The following CNTNAP2 variants were observed in gnomAD, a reference collection of about 807,000 sequenced individuals.
The protein encoded by CNTNAP2 is contactin associated protein 2.
CNTNAP2 carries 98 observed loss-of-function variants against 155.2 expected under a neutral mutation model. The observed-to-expected ratio is 0.63, with a 90% confidence interval of 0.54 to 0.75. The LOEUF is 0.75. Ranked by LOEUF, CNTNAP2 falls within the 30% of genes least tolerant of loss-of-function variation. The pLI, the probability that CNTNAP2 is intolerant of heterozygous loss-of-function variation, is 0.00. For synonymous variants in CNTNAP2, 651 were observed against 631.2 expected (o/e 1.03, Z -0.47); for missense variants, 1,727 against 1,688.1 (o/e 1.02, Z -0.40).
chr7:147,117,559 C>G (rs1195830356), intron 5 of CNTNAP2, among the ~76,000 whole-genome samples: 2 of 152,158 alleles, frequency 1.3e-5, no homozygotes, highest in Non-Finnish European at 2.9e-5. Flanking sequence ...TCTCCTTGAG[C>G]ACTGCAGACT....
At chr7:147,783,798 A>G (rs754115991) in intron 13 of CNTNAP2, among the ~76,000 whole-genome samples, 1 of 152,206 alleles carries the variant, frequency 6.6e-6, no homozygotes, top group Non-Finnish European at 1.5e-5. Flanking sequence ...AGACACAGCA[A>G]GAAGGCTGCT....
intron 10 of CNTNAP2, among the ~76,000 whole-genome samples, chr7:147,468,833 T>A (rs1468872972): frequency 3.5e-5 from 2 of 56,876 alleles, no homozygotes; most frequent in Non-Finnish European, 6.4e-5. Context: ...TTTCTTCTTC[T>A]TCTTCTTCTT....
At chr7:147,215,609 C>T (rs2116581232) in intron 8 of CNTNAP2, among the ~76,000 whole-genome samples, 1 of 152,240 alleles carries the variant, frequency 6.6e-6, no homozygotes, top group Middle Eastern at 3.4e-3. Flanking sequence ...ATCTTCATTG[C>T]TTCCAAGTTT....
intron 9 of CNTNAP2, among the ~76,000 whole-genome samples, chr7:147,325,997 A>G (rs969243222): frequency 2.0e-5 from 3 of 152,046 alleles, no homozygotes; most frequent in African/African-American, 7.2e-5. Flanking sequence ...ATCTCGGCTC[A>G]CTGCAAGCTC....
chr7:147,625,957 CA>C (rs989609740), intron 12 of CNTNAP2, among the ~76,000 whole-genome samples: 2 of 152,136 alleles, frequency 1.3e-5, no homozygotes, highest in African/African-American at 4.8e-5. Flanking sequence ...TAGGGAGTCA[CA>C]TGAAATATAA....
At chr7:146,715,304 C>G (rs1801167717) in intron 1 of CNTNAP2, among the ~76,000 whole-genome samples, 1 of 152,080 alleles carries the variant, frequency 6.6e-6, no homozygotes, top group Admixed American at 6.6e-5. Flanking sequence ...TGCGCTCTAG[C>G]CTGAGCAACA....
At chr7:146,198,725 G>T (rs1351992167) in intron 1 of CNTNAP2, among the ~76,000 whole-genome samples, 2 of 151,446 alleles carry the variant, frequency 1.3e-5, no homozygotes, top group Non-Finnish European at 2.9e-5. Context: ...TATATTCTAG[G>T]TTTCAGTTTT....
chr7:147,647,620 C>T (rs769795089), intron 13 of CNTNAP2, among the ~76,000 whole-genome samples: 5 of 151,996 alleles, frequency 3.3e-5, no homozygotes, highest in Non-Finnish European at 5.9e-5. Context: ...CTCTTTCTTA[C>T]AATAACACAA....
intron 8 of CNTNAP2, among the ~76,000 whole-genome samples, chr7:147,255,580 T>C (rs1804303518): frequency 6.6e-6 from 1 of 152,118 alleles, no homozygotes; most frequent in Non-Finnish European, 1.5e-5. Context: ...TATGTTTAAC[T>C]TTGCTCTTAT....
At chr7:147,933,539 AG>A (rs775316975) in intron 14 of CNTNAP2, among the ~76,000 whole-genome samples, 3,700 of 101,146 alleles carry the variant, frequency 0.037, 66 homozygotes, top group East Asian at 0.18. Context: ...ATAGATAGAT[AG>A]ATATAACAGA....
chr7:147,287,058 T>C (rs1225036392), intron 8 of CNTNAP2, among the ~76,000 whole-genome samples: 2 of 152,154 alleles, frequency 1.3e-5, no homozygotes, highest in African/African-American at 4.8e-5. Context: ...CAGTGCCATC[T>C]CAATGGGTAT....
chr7:147,344,718 T>A (rs10232663), intron 9 of CNTNAP2, among the ~76,000 whole-genome samples: 32,279 of 152,118 alleles, frequency 0.21, 4,173 homozygotes, highest in African/African-American at 0.36. Flanking sequence ...CTTGTCTTAG[T>A]TCTTTAAAGG....
intron 20 of CNTNAP2, among the ~76,000 whole-genome samples, chr7:148,261,265 A>C (rs1796556358): frequency 6.6e-6 from 1 of 152,022 alleles, no homozygotes; most frequent in African/African-American, 2.4e-5. Flanking sequence ...GGTTCAAGCG[A>C]GTCTCCTGCT....
intron 3 of CNTNAP2, among the ~76,000 whole-genome samples, chr7:146,850,458 A>T: frequency 6.6e-6 from 1 of 152,200 alleles, no homozygotes; most frequent in East Asian, 1.9e-4. Flanking sequence ...ATTAATAAAT[A>T]ATAACAGCCA....
At chr7:146,803,365 A>C (rs909556517) in intron 2 of CNTNAP2, among the ~76,000 whole-genome samples, 2 of 152,226 alleles carry the variant, frequency 1.3e-5, no homozygotes, top group Non-Finnish European at 2.9e-5. Context: ...AATTATGTAG[A>C]AAGCATAGTT....
chr7:147,394,899 C>A (rs1380545944), intron 9 of CNTNAP2, among the ~76,000 whole-genome samples: 2 of 143,496 alleles, frequency 1.4e-5, no homozygotes, highest in African/African-American at 5.3e-5. Context: ...TTATTATTTA[C>A]TAGTATATAT....
At chr7:147,109,759 T>A (rs1800837172) in intron 5 of CNTNAP2, among the ~76,000 whole-genome samples, 1 of 152,072 alleles carries the variant, frequency 6.6e-6, no homozygotes, top group African/African-American at 2.4e-5. Flanking sequence ...AGGCGTTAAG[T>A]AAATATTTTG....
intron 1 of CNTNAP2, among the ~76,000 whole-genome samples, chr7:146,283,278 G>A (rs1800277789): frequency 6.6e-6 from 1 of 152,212 alleles, no homozygotes. Flanking sequence ...AAATGAGTAT[G>A]AAACAGATCA....
chr7:146,695,818 A>G (rs149905867), intron 1 of CNTNAP2, among the ~76,000 whole-genome samples: 1 of 152,318 alleles, frequency 6.6e-6, no homozygotes, highest in African/African-American at 2.4e-5. Context: ...TAAATAGCTA[A>G]TTAACATATA....
Sources: gnomAD v4.1 joint callset for allele counts (sites outside exome capture counted in the v4.1 genomes callset) on GRCh38, gnomAD v4.1.1 for gene constraint, MANE v1.5 for transcripts, NCBI Gene and HGNC (gene_info 2026-07-23, HGNC 2026-07-21) for gene names.